Variants in XYLB observed in about 807,000 individuals in gnomAD.
XYLB encodes the protein xylulose kinase.
XYLB carries 62 observed loss-of-function variants against 78.7 expected under a neutral mutation model. The observed-to-expected ratio is 0.79, with a 90% CI of 0.64 to 0.97. The LOEUF is 0.97. XYLB is among the 50% of genes least tolerant of loss of function. The pLI is 0.00. For missense variants in XYLB, 687 were observed against 676.8 expected (o/e 1.02, Z -0.17); for synonymous variants, 245 against 247.4 (o/e 0.99, Z 0.09).
chr3:38,449,846 T>C, the XYLB span, among the ~76,000 whole-genome samples: 1 of 152,252 alleles, frequency 6.6e-6, no homozygotes, highest in East Asian at 1.9e-4. Flanking sequence ...GATTTTTCCA[T>C]TAGCACAGCA....
At chr3:38,436,894 C>T in the XYLB span, among the ~76,000 whole-genome samples, 5 of 151,668 alleles carry the variant, frequency 3.3e-5, no homozygotes, top group African/African-American at 4.8e-5. Context: ...ATCCCAGCTA[C>T]TTGGGAGGCT....
chr3:38,376,797 G>C (rs931406003), intron 13 of XYLB, 121 bp from the exon 14 acceptor site: 1 of 723,100 alleles, frequency 1.4e-6, no homozygotes, highest in Non-Finnish European at 2.4e-6. Context: ...CTCATCTGGG[G>C]GATGAAAGAG....
At chr3:38,352,191 G>A (rs931587453) in intron 2 of XYLB, among the ~76,000 whole-genome samples, 1 of 151,470 alleles carries the variant, frequency 6.6e-6, no homozygotes, top group African/African-American at 2.4e-5. Flanking sequence ...ACAGTGAAAA[G>A]TCTTTTTTTT....
At chr3:38,440,086 A>C in the XYLB span, among the ~76,000 whole-genome samples, 1 of 152,232 alleles carries the variant, frequency 6.6e-6, no homozygotes, top group East Asian at 1.9e-4. Context: ...TTCCTGTAGC[A>C]GTGGCCATTC....
chr3:38,407,934 G>C (rs1186574009), intron 18 of XYLB, among the ~76,000 whole-genome samples: 1 of 151,808 alleles, frequency 6.6e-6, no homozygotes, highest in Non-Finnish European at 1.5e-5. Flanking sequence ...CAATAATAAT[G>C]GGAGACTTTA....
intron 18 of XYLB, among the ~76,000 whole-genome samples, chr3:38,411,597 A>G (rs1256234164): frequency 6.6e-6 from 1 of 151,782 alleles, no homozygotes; most frequent in Non-Finnish European, 1.5e-5. Flanking sequence ...GCCTTAGTAC[A>G]GTTGCTTTTA....
intron 15 of XYLB, among the ~76,000 whole-genome samples, chr3:38,393,462 C>T (rs1032359814): frequency 6.6e-6 from 1 of 152,172 alleles, no homozygotes; most frequent in African/African-American, 2.4e-5. Flanking sequence ...CCTGTTTCTA[C>T]TTCATGGGTT....
At chr3:38,382,238 C>T (rs1707182533) in intron 15 of XYLB, among the ~76,000 whole-genome samples, 1 of 152,074 alleles carries the variant, frequency 6.6e-6, no homozygotes, top group South Asian at 2.1e-4. Flanking sequence ...CCCAGCTACT[C>T]AGGAGACTGA....
chr3:38,398,712 CTT>C (rs56266064), intron 17 of XYLB, among the ~76,000 whole-genome samples: 209 of 141,852 alleles, frequency 1.5e-3, no homozygotes, highest in Non-Finnish European at 1.9e-3. Context: ...GTTACTTTGT[CTT>C]TTTTTTTTTT....
At chr3:38,372,542 A>G (rs935175345) in intron 9 of XYLB, 113 bp from the exon 10 acceptor site, 2 of 1,564,798 alleles carry the variant, frequency 1.3e-6, no homozygotes, top group Non-Finnish European at 1.7e-6. Context: ...AGATTCCTTC[A>G]GGTCTGGTGA....
At chr3:38,355,736 G>A (rs1013961876) in intron 2 of XYLB, 24 of 703,422 alleles carry the variant, frequency 3.4e-5, no homozygotes, top group Non-Finnish European at 5.7e-5. Context: ...TGATGTGGGT[G>A]TCCAGAGCAA....
At chr3:38,374,017 A>G (rs948922516) in intron 10 of XYLB, among the ~76,000 whole-genome samples, 2 of 143,296 alleles carry the variant, frequency 1.4e-5, no homozygotes, top group African/African-American at 5.5e-5. Context: ...GACCCCACCT[A>G]TATATCTCTT....
intron 18 of XYLB, among the ~76,000 whole-genome samples, chr3:38,409,300 A>G (rs1708471539): frequency 1.3e-5 from 2 of 152,242 alleles, no homozygotes; most frequent in African/African-American, 4.8e-5. Context: ...TGATTATCTC[A>G]ATAGATGCAG....
At chr3:38,433,824 C>G in the XYLB span, among the ~76,000 whole-genome samples, 7 of 152,220 alleles carry the variant, frequency 4.6e-5, no homozygotes. Flanking sequence ...GCCTCTTACC[C>G]AGTTCCAAAG....
rs2125647933 is a variant in XYLB, at chr3:38,397,107, T to C, written c.1386T>C (p.Val462=). The C allele has an allele frequency of 1.2e-6, 2 of 1,614,162 alleles. No individual in the cohort carries two copies. Among genetic ancestry groups the C allele is most frequent in the Non-Finnish European group, 1.7e-6 (2 of 1,180,010 alleles). Residue 462 remains valine (V), a synonymous_variant, in exon 17 of 19, where the codon GTT becomes GTC. Coordinates refer to ENST00000207870, the MANE Select transcript of XYLB (RefSeq NM_005108.4). ...LADVFDAPVY[V]IDTANSACVG... Reference sequence around the variant, plus strand: ...ATGTGTTTGATGCCCCGGTGTATGTTATAGACACTGCCAACTCGGCCTGTG... The same window carrying C: ...ATGTGTTTGATGCCCCGGTGTATGTCATAGACACTGCCAACTCGGCCTGTG...
chr3:38,426,361 T>C, the XYLB span, among the ~76,000 whole-genome samples: 1 of 152,216 alleles, frequency 6.6e-6, no homozygotes, highest in African/African-American at 2.4e-5. Flanking sequence ...TCCTCATCTG[T>C]ATAATGAAAG....
At chr3:38,439,352 C>T in the XYLB span, among the ~76,000 whole-genome samples, 1 of 152,212 alleles carries the variant, frequency 6.6e-6, no homozygotes, top group South Asian at 2.1e-4. Context: ...CCTACAGGAA[C>T]CAAATTTGAC....
chr3:38,434,808 A>G, the XYLB span, among the ~76,000 whole-genome samples: 1 of 152,228 alleles, frequency 6.6e-6, no homozygotes. Flanking sequence ...ACCTTGAATG[A>G]AAATGGTTTA....
chr3:38,396,519 C>T (rs945762731), intron 16 of XYLB, among the ~76,000 whole-genome samples: 3 of 152,154 alleles, frequency 2.0e-5, no homozygotes, highest in Admixed American at 2.0e-4. Context: ...GCAGGATGCA[C>T]AATGGTCCAG....
Sources: gnomAD v4.1 joint callset for allele counts (sites outside exome capture counted in the v4.1 genomes callset) on GRCh38, gnomAD v4.1.1 for gene constraint, MANE v1.5 for transcripts, NCBI Gene and HGNC (gene_info 2026-07-23, HGNC 2026-07-21) for gene names.